AKAP6: variants seen among roughly 807,000 people sequenced by gnomAD.
The protein encoded by AKAP6 is A-kinase anchoring protein 6.
A neutral mutation model predicts 188.5 loss-of-function variants in AKAP6; 58 were observed. The observed-to-expected ratio is 0.31, with a 90% confidence interval of 0.25 to 0.38. The LOEUF (loss-of-function observed/expected upper bound fraction) is 0.38. Among genes scored for constraint, AKAP6 ranks in the 10% least tolerant of loss-of-function variants. The pLI is 1.00. For synonymous variants in AKAP6, 989 were observed against 998.6 expected, an observed-to-expected ratio of 0.99 and a Z score of 0.18; for missense variants, 2,710 against 2,740.0, an observed-to-expected ratio of 0.99 and a Z score of 0.24.
chr14:32,781,773 G>T (rs370006873), intron 12 of AKAP6, among the ~76,000 whole-genome samples: 106 of 152,198 alleles, frequency 7.0e-4, no homozygotes, highest in African/African-American at 2.0e-3. Context: ...GTAATTCATC[G>T]TATTTGCACA....
Position 32,697,406 on chromosome 14 carries a change from A to G in AKAP6, c.3000+1296A>G, listed in dbSNP as rs559346047. 2.0e-5 allele frequency among the ~76,000 whole-genome samples: 3 copies of G among 152,328 alleles called. No homozygotes were observed. The South Asian group carries it at 6.2e-4, about 32-fold the overall frequency. On this transcript the variant is annotated intron_variant, in intron 9 of 13. Transcript: ENST00000280979. ...CACATTAACAACACAGCTATCTAAT[A>G]TATCTTCTGGCATAACATATTGTTA... is the stretch of plus-strand genomic sequence containing the variant.
chr14:32,688,997 C>T (rs1890049872), intron 8 of AKAP6, among the ~76,000 whole-genome samples: 1 of 152,192 alleles, frequency 6.6e-6, no homozygotes, highest in Admixed American at 6.5e-5. Context: ...GCCCAACTCA[C>T]ACCAGTGTGC....
intron 7 of AKAP6, among the ~76,000 whole-genome samples, chr14:32,644,959 A>G (rs560015901): frequency 7.9e-5 from 12 of 152,276 alleles, no homozygotes; most frequent in African/African-American, 2.2e-4. Context: ...TAATCAATGG[A>G]TCATTCAAAC....
chr14:32,774,021 CT>C, intron 12 of AKAP6, 128 bp downstream of exon 12: 1 of 1,016,472 alleles, frequency 9.8e-7, no homozygotes, highest in Non-Finnish European at 1.5e-6. Flanking sequence ...GTTTTGCCAT[CT>C]TACAAGTGGT....
intron 9 of AKAP6, among the ~76,000 whole-genome samples, chr14:32,725,006 A>AAAAAAAAAAAAC (rs2030783781): frequency 6.7e-6 from 1 of 149,738 alleles, no homozygotes; most frequent in Non-Finnish European, 1.5e-5. Context: ...AAAAAAAAAA[A>AAAAAAAAAAAAC]AAAAAAAAAA....
intron 2 of AKAP6, among the ~76,000 whole-genome samples, chr14:32,488,825 C>T (rs1457775517): frequency 1.3e-5 from 2 of 152,130 alleles, no homozygotes; most frequent in Non-Finnish European, 2.9e-5. Flanking sequence ...CTTCTGCTCC[C>T]CTTGGTGGGC....
At chr14:32,565,667 A>C (rs1478236763) in intron 4 of AKAP6, among the ~76,000 whole-genome samples, 1 of 152,216 alleles carries the variant, frequency 6.6e-6, no homozygotes, top group Non-Finnish European at 1.5e-5. Flanking sequence ...TCAAAACTTT[A>C]ATGACCATTC....
chr14:32,348,437 A>ACC (rs1887149060), intron 1 of AKAP6, among the ~76,000 whole-genome samples: 5 of 40,240 alleles, frequency 1.2e-4, no homozygotes, highest in African/African-American at 4.9e-4. Flanking sequence ...TTTTTTTTTA[A>ACC]GAGTTTTGCT....
Position 32,431,030 on chromosome 14 carries a change from G to A in AKAP6, c.-34-2430G>A, listed in dbSNP as rs182554913. Among the ~76,000 whole-genome samples the A allele has an allele frequency of 1.7e-3, 254 of 152,064 alleles. 8 individuals carry two copies. The highest frequency in any genetic ancestry group is 0.015 in the Admixed American group (229 of 15,264). ...TGAGGCAGGAGAATGGCGTGAACCC[G>A]GGAGGCAGAGCTTGCAGTGAGCTGA... On this transcript the variant is annotated intron_variant, in intron 1 of 13. Coordinates refer to ENST00000280979, the MANE Select transcript of AKAP6 (RefSeq NM_004274.5).
intron 4 of AKAP6, among the ~76,000 whole-genome samples, chr14:32,557,323 C>G (rs148738114): frequency 4.9e-4 from 74 of 152,290 alleles, no homozygotes; most frequent in African/African-American, 1.7e-3. Flanking sequence ...GTGTCGAACT[C>G]CTTGGCTCAA....
chr14:32,568,757 G>GAGAGTGC lies in AKAP6; in HGVS notation c.2347-8360_2347-8354dup, dbSNP rs1448552427. The stretch of plus-strand genomic sequence containing the variant: ...GCTTCAGTTTCCTCACTATAAAATG[G>GAGAGTGC]AGAGTGCAGTAATATTGTATCATAG... On this transcript the variant is annotated intron_variant, in intron 4 of 13. Transcript: ENST00000280979. This position sits in a 1 kb window ranked among gnomAD's most constrained non-coding sequence, Gnocchi z 6.2. Among the ~76,000 whole-genome samples, 2 of 152,142 alleles carry GAGAGTGC rather than the reference G, an allele frequency of 1.3e-5. No homozygotes were observed. The highest frequency in any genetic ancestry group is 6.6e-5 in the Admixed American group (1 of 15,266).
intron 4 of AKAP6, among the ~76,000 whole-genome samples, chr14:32,547,843 C>CA (rs11342356): frequency 0.045 from 6,067 of 135,988 alleles, 169 homozygotes; most frequent in African/African-American, 0.072. Flanking sequence ...GACCCTGTCT[C>CA]AAAAAAAAAA....
At chr14:32,596,847 T>C (rs574468777) in intron 5 of AKAP6, among the ~76,000 whole-genome samples, 1 of 152,278 alleles carries the variant, frequency 6.6e-6, no homozygotes, top group South Asian at 2.1e-4. Context: ...GGGGACAAAA[T>C]GGCGAGAGCT....
intron 2 of AKAP6, among the ~76,000 whole-genome samples, chr14:32,487,237 T>C (rs1390232204): frequency 6.6e-6 from 1 of 152,238 alleles, no homozygotes; most frequent in Non-Finnish European, 1.5e-5. Flanking sequence ...TATTGAAGAT[T>C]TTCACATCAA....
At chr14:32,523,661 GTCT>G (rs1881972754) in intron 2 of AKAP6, among the ~76,000 whole-genome samples, 1 of 151,794 alleles carries the variant, frequency 6.6e-6, no homozygotes, top group African/African-American at 2.4e-5. Context: ...TAGAGATGGG[GTCT>G]CACTTTGTCG....
At chr14:32,492,845 G>A (rs1309420425) in intron 2 of AKAP6, among the ~76,000 whole-genome samples, 1 of 152,048 alleles carries the variant, frequency 6.6e-6, no homozygotes, top group Non-Finnish European at 1.5e-5. Flanking sequence ...TATTCTTAAA[G>A]GATATTCAAA....
rs191086550 is a variant in AKAP6 at position 32,454,741 on chromosome 14, C to T, written c.324+20924C>T. On this transcript the variant is annotated intron_variant, in intron 2 of 13. Transcript: ENST00000280979. The stretch of plus-strand genomic sequence containing the variant: ...CTTCTCTCCTTCCCTCCTTCCCTCC[C>T]TCCCTCCTTCCCTCCCTCCCTCCCT... Among the ~76,000 whole-genome samples the T allele has an allele frequency of 3.2e-3, 48 of 15,096 alleles. 1 individual carries two copies. Among genetic ancestry groups the T allele is most frequent in the Admixed American group, 5.8e-3 (6 of 1,032 alleles). 9.9% of individuals were successfully genotyped at this position (15,096 alleles called of 152,430 possible).
At chr14:32,756,351 A>G (rs2032332480) in intron 11 of AKAP6, among the ~76,000 whole-genome samples, 1 of 152,012 alleles carries the variant, frequency 6.6e-6, no homozygotes, top group Non-Finnish European at 1.5e-5. Flanking sequence ...AGTCTGAGTC[A>G]TGGAGGTGGA....
At chr14:32,796,436 G>A (rs114541674) in intron 12 of AKAP6, among the ~76,000 whole-genome samples, 11,627 of 152,046 alleles carry the variant, frequency 0.076, 495 homozygotes, top group South Asian at 0.14. Context: ...GAACAGACAC[G>A]TAGATCAATG....
Sources: gnomAD v4.1 joint callset for allele counts (sites outside exome capture counted in the v4.1 genomes callset) on GRCh38, gnomAD v4.1.1 for gene constraint, Gnocchi (gnomAD v3.1) non-coding constraint, MANE v1.5 for transcripts, NCBI Gene and HGNC (gene_info 2026-07-23, HGNC 2026-07-21) for gene names.